The following SEMA5A variants were observed in gnomAD, a reference collection of about 807,000 sequenced individuals.
SEMA5A encodes the protein semaphorin-5A.
Under a neutral mutation model 135.5 loss-of-function variants are expected in SEMA5A, and 55 were observed. That is an observed-to-expected ratio of 0.41 (90% CI 0.33 to 0.51). The LOEUF (loss-of-function observed/expected upper bound fraction) is 0.51, where lower values mean the gene tolerates loss of function less well. SEMA5A is among the 20% of genes least tolerant of loss of function. SEMA5A has a pLI of 0.37. For missense variants in SEMA5A, 1,290 were observed against 1,419.9 expected, an observed-to-expected ratio of 0.91 and a Z score of 1.47; for synonymous variants, 580 against 546.5, an observed-to-expected ratio of 1.06 and a Z score of -0.85.
chr5:9,077,378 A>C (rs1412427711), intron 16 of SEMA5A, among the ~76,000 whole-genome samples: 1 of 152,252 alleles, frequency 6.6e-6, no homozygotes, highest in African/African-American at 2.4e-5. Context: ...TTAATGATTT[A>C]GATATTTTAG....
chr5:9,055,240 C>T (rs1028044817), intron 18 of SEMA5A, among the ~76,000 whole-genome samples: 1 of 152,218 alleles, frequency 6.6e-6, no homozygotes, highest in East Asian at 1.9e-4. Flanking sequence ...CTGTGCCTCT[C>T]TCTTACTAGC....
At chr5:9,435,989 G>A (rs1305736123) in intron 2 of SEMA5A, among the ~76,000 whole-genome samples, 1 of 152,174 alleles carries the variant, frequency 6.6e-6, no homozygotes, top group African/African-American at 2.4e-5. Context: ...GGGAGGCATG[G>A]TTAGTGCTAA....
chr5:9,272,719 C>G (rs978853003), intron 5 of SEMA5A, among the ~76,000 whole-genome samples: 1 of 152,120 alleles, frequency 6.6e-6, no homozygotes, highest in Non-Finnish European at 1.5e-5. Flanking sequence ...CCCAGGCAAA[C>G]AGGGTCTGGA....
At position 9,154,670 on chromosome 5, in the gene SEMA5A, C is replaced by A. The variant is rs1304685942; in HGVS notation, c.1299G>T (p.Arg433=). The A allele has an allele frequency of 1.2e-6, 2 of 1,613,980 alleles. No homozygotes were observed. Among genetic ancestry groups the A allele is most frequent in the Non-Finnish European group, 1.7e-6 (2 of 1,180,014 alleles). The change falls in exon 12 of 23, where the codon CGG becomes CGT. Residue 433 remains arginine, a synonymous_variant. Coordinates refer to ENST00000382496, the MANE Select transcript of SEMA5A (RefSeq NM_003966.3). The part of the protein sequence containing the change: ...ATDYGTIKKV[R]VPLNQTSSSC... ...TGCTTGAGGTCTGATTCAGGGGTAC[C>A]CGCACTTTCTTAATGGTTCCGTAAT... is the stretch of plus-strand genomic sequence containing the variant.
intron 1 of SEMA5A, among the ~76,000 whole-genome samples, chr5:9,491,878 A>G (rs1465070871): frequency 6.6e-6 from 1 of 152,234 alleles, no homozygotes; most frequent in East Asian, 1.9e-4. Flanking sequence ...GGAACCACAG[A>G]TAAAATCAAC....
At chr5:9,404,101 AT>A (rs1463955262) in intron 2 of SEMA5A, among the ~76,000 whole-genome samples, 1 of 151,980 alleles carries the variant, frequency 6.6e-6, no homozygotes, top group East Asian at 1.9e-4. Context: ...TGCCAGGCTA[AT>A]TTTGTATTTT....
intron 6 of SEMA5A, among the ~76,000 whole-genome samples, chr5:9,231,227 A>G (rs40661): frequency 1 from 151,981 of 152,232 alleles, 75,866 homozygotes; most frequent in Middle Eastern, 1. Context: ...AGCACTTTGG[A>G]ACGCCAAGGC....
At chr5:9,147,891 A>C (rs1361255247) in intron 12 of SEMA5A, among the ~76,000 whole-genome samples, 2 of 152,230 alleles carry the variant, frequency 1.3e-5, no homozygotes, top group African/African-American at 2.4e-5. Flanking sequence ...CAGAATGTCC[A>C]TTTGCTAATT....
chr5:9,375,826 T>A (rs1405806154), intron 3 of SEMA5A, among the ~76,000 whole-genome samples: 1 of 151,732 alleles, frequency 6.6e-6, no homozygotes, highest in Non-Finnish European at 1.5e-5. Context: ...CTTGAAAATA[T>A]CCCCATTCTT....
intron 1 of SEMA5A, among the ~76,000 whole-genome samples, chr5:9,542,549 C>A (rs527294699): frequency 1.3e-5 from 2 of 152,200 alleles, no homozygotes; most frequent in South Asian, 4.1e-4. Context: ...TGTTAGACAC[C>A]ATAATTTACA....
chr5:9,177,596 G>A (rs1318909777), intron 11 of SEMA5A, among the ~76,000 whole-genome samples: 1 of 152,182 alleles, frequency 6.6e-6, no homozygotes, highest in Middle Eastern at 3.2e-3. Flanking sequence ...TCACAACCAT[G>A]GGTGAGTTCC....
intron 1 of SEMA5A, among the ~76,000 whole-genome samples, chr5:9,488,257 G>A (rs1027063388): frequency 8.6e-5 from 13 of 152,022 alleles, no homozygotes; most frequent in African/African-American, 3.1e-4. Context: ...TCCTTCCTTG[G>A]ACATGTAAAA....
intron 4 of SEMA5A, among the ~76,000 whole-genome samples, chr5:9,321,194 C>G (rs368087517): frequency 2.0e-5 from 3 of 152,180 alleles, no homozygotes; most frequent in Non-Finnish European, 4.4e-5. Context: ...CCTTCACCTT[C>G]CACCATGATT....
intron 6 of SEMA5A, among the ~76,000 whole-genome samples, chr5:9,227,991 G>GAAA (rs1291311035): frequency 3.9e-5 from 6 of 152,314 alleles, no homozygotes; most frequent in Middle Eastern, 3.4e-3. Flanking sequence ...AGTGTTCTTA[G>GAAA]AAAACCCTGG....
At chr5:9,310,694 T>C (rs1752086627) in intron 5 of SEMA5A, among the ~76,000 whole-genome samples, 1 of 151,450 alleles carries the variant, frequency 6.6e-6, no homozygotes, top group South Asian at 2.1e-4. Context: ...ATTGCCTCAA[T>C]TTATTTTTAA....
Position 9,193,727 on chromosome 5 carries a change from G to A in SEMA5A, c.1069-3256C>T, listed in dbSNP as rs150686730. Among the ~76,000 whole-genome samples, 959 of 152,148 alleles carry A rather than the reference G, an allele frequency of 6.3e-3. 12 individuals are homozygous for A. The highest frequency in any genetic ancestry group is 0.022 in the African/African-American group (912 of 41,496). ...AGCCTGGTCAAGATGGTGAAACCTC[G>A]TCTGTACTAAAAATACAAAAAAATG... On this transcript the variant is annotated intron_variant, in intron 10 of 22. Transcript: ENST00000382496.
At chr5:9,225,326 G>C (rs922506816) in intron 7 of SEMA5A, among the ~76,000 whole-genome samples, 2 of 149,458 alleles carry the variant, frequency 1.3e-5, no homozygotes, top group East Asian at 4.0e-4. Context: ...GGCTGAAGCG[G>C]GCAGATCACG....
chr5:9,117,223 G>C (rs111509106), intron 15 of SEMA5A, among the ~76,000 whole-genome samples: 1 of 152,182 alleles, frequency 6.6e-6, no homozygotes, highest in South Asian at 2.1e-4. Context: ...GCAAACGTAC[G>C]CATATGTTAG....
intron 1 of SEMA5A, among the ~76,000 whole-genome samples, chr5:9,456,114 G>C (rs1758824531): frequency 6.6e-6 from 1 of 152,164 alleles, no homozygotes; most frequent in Non-Finnish European, 1.5e-5. Flanking sequence ...ACTTAGATTG[G>C]GGCATAAATT....
Sources: gnomAD v4.1 joint callset for allele counts (sites outside exome capture counted in the v4.1 genomes callset) on GRCh38, gnomAD v4.1.1 for gene constraint, MANE v1.5 for transcripts, NCBI Gene and HGNC (gene_info 2026-07-23, HGNC 2026-07-21) for gene names.